Variants in GPC6 observed in about 807,000 individuals in gnomAD.
The protein encoded by GPC6 is glypican 6, also known as glypican-6.
GPC6 carries 14 observed loss-of-function variants against 55.2 expected under a neutral mutation model. The observed-to-expected ratio is 0.25, with a 90% CI of 0.17 to 0.40. The LOEUF is 0.40. Among genes scored for constraint, GPC6 ranks in the 10% least tolerant of loss-of-function variants. The pLI is 1.00. For synonymous variants in GPC6, 278 were observed against 259.6 expected (o/e 1.07, Z -0.68); for missense variants, 641 against 708.5 (o/e 0.90, Z 1.08).
chr13:93,806,617 G>T (rs1379467126), intron 2 of GPC6, among the ~76,000 whole-genome samples: 1 of 152,184 alleles, frequency 6.6e-6, no homozygotes, highest in Non-Finnish European at 1.5e-5. Flanking sequence ...TGGGATTACA[G>T]GTGTGAGTCA....
At chr13:93,812,679 A>G (rs1460158646) in intron 2 of GPC6, among the ~76,000 whole-genome samples, 2 of 152,150 alleles carry the variant, frequency 1.3e-5, no homozygotes, top group Non-Finnish European at 2.9e-5. Context: ...ATAAATTTTA[A>G]ATGGATAATA....
chr13:93,558,316 C>T (rs947973029), intron 2 of GPC6, among the ~76,000 whole-genome samples: 5 of 152,078 alleles, frequency 3.3e-5, no homozygotes, highest in Non-Finnish European at 5.9e-5. Context: ...CTATAAGGAC[C>T]CTGACAGTCC....
intron 4 of GPC6, among the ~76,000 whole-genome samples, chr13:94,076,848 T>A (rs1056800297): frequency 3.3e-5 from 5 of 151,904 alleles, no homozygotes; most frequent in Admixed American, 2.6e-4. Context: ...TGTCTGTCTT[T>A]ATGCCAGTGT....
intron 3 of GPC6, among the ~76,000 whole-genome samples, chr13:93,909,836 G>A (rs761315505): frequency 2.6e-5 from 4 of 151,914 alleles, no homozygotes; most frequent in African/African-American, 7.3e-5. Flanking sequence ...GATATTTTTC[G>A]ATTTATATAT....
intron 2 of GPC6, among the ~76,000 whole-genome samples, chr13:93,605,295 A>C (rs1304040819): frequency 1.3e-5 from 2 of 152,196 alleles, no homozygotes; most frequent in African/African-American, 4.8e-5. Context: ...GTAGATAAGT[A>C]AGTTACTGGT....
At chr13:93,853,543 T>G (rs1436464678) in intron 3 of GPC6, among the ~76,000 whole-genome samples, 5 of 151,646 alleles carry the variant, frequency 3.3e-5, no homozygotes, top group African/African-American at 1.2e-4. Flanking sequence ...TTTTCACTCC[T>G]AAAACCTTCA....
At chr13:93,409,929 T>C (rs1876434446) in intron 1 of GPC6, among the ~76,000 whole-genome samples, 1 of 152,200 alleles carries the variant, frequency 6.6e-6, no homozygotes, top group Non-Finnish European at 1.5e-5. Flanking sequence ...ACCTAGCCTA[T>C]ACCTAGTTTG....
chr13:94,260,557 T>C (rs1226308282), intron 4 of GPC6, among the ~76,000 whole-genome samples: 1 of 152,208 alleles, frequency 6.6e-6, no homozygotes, highest in Admixed American at 6.5e-5. Flanking sequence ...TCAGTTATAA[T>C]GGATTAGGGC....
At chr13:94,269,798 T>G (rs755947056) in intron 4 of GPC6, among the ~76,000 whole-genome samples, 16 of 152,138 alleles carry the variant, frequency 1.1e-4, no homozygotes, top group Non-Finnish European at 1.9e-4. Context: ...TTTACTGCGC[T>G]CCCTCCTAGT....
intron 6 of GPC6, among the ~76,000 whole-genome samples, chr13:94,314,851 C>T (rs776189633): frequency 6.6e-6 from 1 of 152,160 alleles, no homozygotes; most frequent in Non-Finnish European, 1.5e-5. Flanking sequence ...CTATGGAATA[C>T]ATTTTAAAGG....
At chr13:93,898,195 A>G (rs1451939206) in intron 3 of GPC6, among the ~76,000 whole-genome samples, 1 of 152,140 alleles carries the variant, frequency 6.6e-6, no homozygotes, top group African/African-American at 2.4e-5. Context: ...TAACGATCCA[A>G]GTTTGAGTTC....
rs200995826 is a variant in GPC6, at chr13:93,792,207, G to A, written c.320-37947G>A. 7.2e-5 allele frequency among the ~76,000 whole-genome samples: 11 copies of A among 152,366 alleles called. No individual in the cohort carries two copies. In the East Asian group the frequency reaches 1.9e-3, roughly 27 times the overall value. ...AGGTGATATTCTCACCTCTCAGCGT[G>A]TGTTTGTGCCTCTATCCTTAGTTTT... On this transcript the variant is annotated intron_variant, in intron 2 of 8. Transcript: ENST00000377047.
At chr13:93,552,851 T>A (rs1875232775) in intron 2 of GPC6, among the ~76,000 whole-genome samples, 1 of 152,238 alleles carries the variant, frequency 6.6e-6, no homozygotes, top group African/African-American at 2.4e-5. Context: ...GGCTCACTAA[T>A]CCTTTGAGTA....
At chr13:93,817,952 T>A (rs1362488236) in intron 2 of GPC6, among the ~76,000 whole-genome samples, 1 of 147,982 alleles carries the variant, frequency 6.8e-6, no homozygotes, top group Non-Finnish European at 1.5e-5. Flanking sequence ...TTATTAGTTA[T>A]ACCTATATAT....
chr13:93,241,556 A>G (rs1876429688), intron 1 of GPC6, among the ~76,000 whole-genome samples: 1 of 151,878 alleles, frequency 6.6e-6, no homozygotes, highest in African/African-American at 2.4e-5. Context: ...ATTTTCATTC[A>G]TATCTTGAGT....
At chr13:93,598,378 C>T (rs558021142) in intron 2 of GPC6, among the ~76,000 whole-genome samples, 2 of 152,290 alleles carry the variant, frequency 1.3e-5, no homozygotes, top group Non-Finnish European at 2.9e-5. Flanking sequence ...CTTTGTTACT[C>T]TTCTTCCTCT....
chr13:93,390,902 A>T (rs773783533), intron 1 of GPC6, among the ~76,000 whole-genome samples: 15 of 151,422 alleles, frequency 9.9e-5, no homozygotes, highest in Non-Finnish European at 1.5e-4. Flanking sequence ...TTTTATATAA[A>T]CTCTGTGGAA....
intron 5 of GPC6, among the ~76,000 whole-genome samples, chr13:94,294,096 A>C (rs1255360517): frequency 6.6e-6 from 1 of 152,172 alleles, no homozygotes; most frequent in Non-Finnish European, 1.5e-5. Context: ...AGATTTGTGG[A>C]AATTCCCCAA....
rs111623457 is a variant in GPC6 at position 94,266,151 on chromosome 13, C to CTTTT, written c.878-20189_878-20186dup. On this transcript the variant is annotated intron_variant, in intron 4 of 8. Coordinates refer to ENST00000377047, the MANE Select transcript of GPC6 (RefSeq NM_005708.5). ...TTTTTCTTTTCTTTACTTTTCTTTT[C>CTTTT]TTTTTTTTTTTTGTTTGTTTGTTTG... Among the ~76,000 whole-genome samples, 939 of 142,776 alleles carry CTTTT rather than the reference C, an allele frequency of 6.6e-3. 10 individuals carry two copies. Among genetic ancestry groups the CTTTT allele is most frequent in the South Asian group, 0.034 (157 of 4,572 alleles). The allele number at this position is 142,776 out of a possible 152,430, so 93.7% of individuals were successfully genotyped here. A position where few individuals can be genotyped will look rare whatever the true frequency, so the allele number is the denominator to read the frequency against.
Sources: allele counts gnomAD v4.1 joint callset (sites outside exome capture counted in the v4.1 genomes callset), GRCh38; gene constraint gnomAD v4.1.1; transcripts MANE v1.5; gene names NCBI Gene and HGNC (gene_info 2026-07-23, HGNC 2026-07-21).